The following RBFOX1 variants were observed in gnomAD, a reference collection of about 807,000 sequenced individuals.
RBFOX1 encodes the protein RNA binding fox-1 homolog 1, also known as RNA binding protein fox-1 homolog 1.
RBFOX1 carries 8 observed loss-of-function variants against 57.7 expected under a neutral mutation model. The ratio of observed to expected loss-of-function variants is 0.14; its 90% confidence interval spans 0.08 to 0.25. RBFOX1 has a LOEUF of 0.25. RBFOX1 is among the 10% of genes least tolerant of loss of function. RBFOX1 has a pLI of 1.00. For synonymous variants in RBFOX1, 326 were observed against 222.4 expected (o/e 1.47, Z -4.15); for missense variants, 611 against 548.5 (o/e 1.11, Z -1.14).
intron 3 of RBFOX1, among the ~76,000 whole-genome samples, chr16:6,891,751 C>G (rs2065476410): frequency 6.6e-6 from 1 of 152,178 alleles, no homozygotes; most frequent in African/African-American, 2.4e-5. Context: ...AAGGTGCAAT[C>G]TGTCTTCAAT....
At chr16:6,375,226 A>G (rs1344064458) in intron 2 of RBFOX1, among the ~76,000 whole-genome samples, 1 of 152,126 alleles carries the variant, frequency 6.6e-6, no homozygotes, top group Non-Finnish European at 1.5e-5. Context: ...GGTGGCTTTC[A>G]TAGGGAATTC....
intron 4 of RBFOX1, among the ~76,000 whole-genome samples, chr16:7,362,447 G>T (rs552232680): frequency 1.1e-4 from 17 of 151,382 alleles, no homozygotes; most frequent in Non-Finnish European, 2.2e-4. Context: ...CTGCGTGTAC[G>T]TAGTATATAT....
chr16:5,808,636 TC>T (rs1345169552), intron 3 of RBFOX1, among the ~76,000 whole-genome samples: 6 of 152,346 alleles, frequency 3.9e-5, no homozygotes, highest in Non-Finnish European at 8.8e-5. Flanking sequence ...GTCCTTTACG[TC>T]CCTTGTAAGT....
chr16:6,984,884 A>C (rs1393409801), intron 3 of RBFOX1, among the ~76,000 whole-genome samples: 1 of 151,996 alleles, frequency 6.6e-6, no homozygotes, highest in Non-Finnish European at 1.5e-5. Context: ...CAGCTGATCC[A>C]CCTGCCTCAG....
intron 4 of RBFOX1, among the ~76,000 whole-genome samples, chr16:5,876,426 T>A (rs1409673624): frequency 6.6e-6 from 1 of 152,184 alleles, no homozygotes; most frequent in African/African-American, 2.4e-5. Flanking sequence ...CACCCGAGGC[T>A]ATCAGACCCC....
At chr16:7,239,335 C>G (rs1203639490) in intron 4 of RBFOX1, among the ~76,000 whole-genome samples, 1 of 151,978 alleles carries the variant, frequency 6.6e-6, no homozygotes, top group African/African-American at 2.4e-5. Context: ...CCCATGTCTA[C>G]TAAAAGTACA....
At chr16:7,213,044 C>G (rs531373493) in intron 4 of RBFOX1, among the ~76,000 whole-genome samples, 20 of 152,142 alleles carry the variant, frequency 1.3e-4, no homozygotes, top group Admixed American at 9.2e-4. Flanking sequence ...TATAGATGAG[C>G]AGAAGTAAAT....
At chr16:7,414,056 A>G (rs2098456117) in intron 4 of RBFOX1, among the ~76,000 whole-genome samples, 1 of 152,194 alleles carries the variant, frequency 6.6e-6, no homozygotes, top group African/African-American at 2.4e-5. Flanking sequence ...ACTCTTACTC[A>G]TCAAATTTGG....
intron 4 of RBFOX1, among the ~76,000 whole-genome samples, chr16:7,310,906 A>G (rs971207640): frequency 2.0e-5 from 3 of 152,166 alleles, no homozygotes; most frequent in Non-Finnish European, 4.4e-5. Context: ...TACGTTGTTC[A>G]TCTCTTTGCC....
At chr16:7,118,876 C>G (rs532862730) in intron 4 of RBFOX1, among the ~76,000 whole-genome samples, 2 of 152,228 alleles carry the variant, frequency 1.3e-5, no homozygotes, top group East Asian at 1.9e-4. Flanking sequence ...ACATAGAGAA[C>G]TTGCTCAGAT....
chr16:7,052,284 G>T (rs6500906), intron 4 of RBFOX1, among the ~76,000 whole-genome samples, 186 bp downstream of exon 4: 7,350 of 152,190 alleles, frequency 0.048, 576 homozygotes, highest in African/African-American at 0.16. Context: ...TATCTTCTTT[G>T]GAAGTGCCGT....
chr16:6,779,617 C>G (rs999755761), intron 3 of RBFOX1, among the ~76,000 whole-genome samples: 6 of 146,866 alleles, frequency 4.1e-5, no homozygotes, highest in Admixed American at 7.2e-5. Context: ...GCTGTACTAA[C>G]TTACGTTCCC....
chr16:7,078,863 C>CCTT (rs2058714525), intron 4 of RBFOX1, among the ~76,000 whole-genome samples: 1 of 52,738 alleles, frequency 1.9e-5, no homozygotes, highest in African/African-American at 7.8e-5. Flanking sequence ...ATATATATAC[C>CCTT]TTTTTTTTTT....
chr16:6,562,835 T>TCTTC, intron 2 of RBFOX1, among the ~76,000 whole-genome samples: 1 of 33,290 alleles, frequency 3.0e-5, no homozygotes, highest in Non-Finnish European at 5.0e-5. Flanking sequence ...TTGATTCTTT[T>TCTTC]CTTTCTTTCT....
At chr16:6,312,565 T>C (rs1167334796) in intron 1 of RBFOX1, among the ~76,000 whole-genome samples, 3 of 152,118 alleles carry the variant, frequency 2.0e-5, no homozygotes, top group African/African-American at 7.2e-5. Context: ...GGCACTATGC[T>C]AGACAGAGAT....
At chr16:5,613,208 C>T (rs2047887838) in intron 3 of RBFOX1, among the ~76,000 whole-genome samples, 1 of 152,200 alleles carries the variant, frequency 6.6e-6, no homozygotes, top group African/African-American at 2.4e-5. Context: ...AATCTTCCTT[C>T]AGGCTTCAGA....
chr16:6,323,709 C>T (rs2082058309), intron 2 of RBFOX1, among the ~76,000 whole-genome samples: 1 of 151,664 alleles, frequency 6.6e-6, no homozygotes, highest in African/African-American at 2.4e-5. Context: ...TTTCAATTTG[C>T]ATAAATTTAG....
intron 2 of RBFOX1, among the ~76,000 whole-genome samples, chr16:6,518,224 T>C (rs144465728): frequency 2.7e-4 from 41 of 152,230 alleles, no homozygotes; most frequent in African/African-American, 9.9e-4. Context: ...ACCTTGAGGG[T>C]TGTCTGGGCC....
At chr16:6,036,232 G>T (rs758578619) in intron 1 of RBFOX1, among the ~76,000 whole-genome samples, 1 of 152,172 alleles carries the variant, frequency 6.6e-6, no homozygotes, top group African/African-American at 2.4e-5. Context: ...ATGTGAGGGA[G>T]CTTTAAAGAG....
Sources: gnomAD v4.1 joint callset for allele counts (sites outside exome capture counted in the v4.1 genomes callset) on GRCh38, gnomAD v4.1.1 for gene constraint, MANE v1.5 for transcripts, NCBI Gene and HGNC (gene_info 2026-07-23, HGNC 2026-07-21) for gene names.